LRRC7: variants seen among roughly 807,000 people sequenced by gnomAD.
The protein encoded by LRRC7 is leucine-rich repeat-containing protein 7.
In LRRC7, 23 loss-of-function variants were observed where a neutral mutation model predicts 175.7. The observed-to-expected ratio is 0.13, with a 90% CI of 0.09 to 0.19. The LOEUF (loss-of-function observed/expected upper bound fraction) is 0.19. LRRC7 is among the 10% of genes least tolerant of loss of function. The probability of loss-of-function intolerance (pLI) is 1.00; values close to 1 mark genes in which losing one functional copy is unlikely to be tolerated. For synonymous variants in LRRC7, 685 were observed against 680.9 expected, an observed-to-expected ratio of 1.01 and a Z score of -0.09; for missense variants, 1,354 against 1,904.7, an observed-to-expected ratio of 0.71 and a Z score of 5.38.
chr1:69,571,067 A>G (rs1169670715), intron 1 of LRRC7, among the ~76,000 whole-genome samples: 1 of 152,230 alleles, frequency 6.6e-6, no homozygotes, highest in African/African-American at 2.4e-5. Flanking sequence ...ATTGCATCAT[A>G]CTAATATGTA....
Position 70,132,193 on chromosome 1 carries a change from T to G in LRRC7, c.*10306T>G, listed in dbSNP as rs1666692380. 6.6e-6 allele frequency: 1 copy of G among 152,268 alleles called. No homozygotes were observed. Among genetic ancestry groups the G allele is most frequent in the South Asian group, 2.1e-4 (1 of 4,834 alleles). The allele number at this position is 152,268 out of a possible 1,614,324, so 9.4% of individuals were successfully genotyped here. A position where few individuals can be genotyped will look rare whatever the true frequency, so the allele number is the denominator to read the frequency against. ...ATTCCCTTCCTCTCTCTCTGCTCTC[T>G]CTTGGCCAGAGGAGTAATCGTTCAG... On this transcript the variant is annotated 3_prime_UTR_variant, in exon 27 of 27. Transcript: ENST00000651989.
chr1:69,573,100 C>T (rs1569579981), intron 1 of LRRC7, among the ~76,000 whole-genome samples: 1 of 152,126 alleles, frequency 6.6e-6, no homozygotes, highest in Non-Finnish European at 1.5e-5. Flanking sequence ...TAAACTCCTA[C>T]CATGAGTCAT....
At chr1:69,934,504 GCGGGGGGT>G (rs1647765299) in intron 8 of LRRC7, among the ~76,000 whole-genome samples, 3 of 61,938 alleles carry the variant, frequency 4.8e-5, no homozygotes, top group African/African-American at 9.3e-5. Flanking sequence ...CGGGGGGGGG[GCGGGGGGT>G]GGGGGGTTTT....
At chr1:69,954,962 C>G (rs1045626555) in intron 8 of LRRC7, among the ~76,000 whole-genome samples, 3 of 152,026 alleles carry the variant, frequency 2.0e-5, no homozygotes, top group Non-Finnish European at 4.4e-5. Context: ...AATTGAAGAT[C>G]ATTCTTACAT....
In LRRC7 at chr1:69,717,822, GAAAGAAAGAAAGAAAGAAAA is replaced by G. The variant is rs1665639523; in HGVS notation, c.100+39347_100+39366del. On this transcript the variant is annotated intron_variant, in intron 2 of 26. Transcript: ENST00000651989. ...AGAAAGAAAGAAAGAAAGAAAGAAA[GAAAGAAAGAAAGAAAGAAAA>G]AAGAAAGAAAGGAAAGAAAGAAAGA... 1.3e-4 allele frequency among the ~76,000 whole-genome samples: 3 copies of G among 23,114 alleles called. 1 individual carries two copies. The highest frequency in any genetic ancestry group is 1.1e-3 in the Admixed American group (2 of 1,796). 15.2% of individuals were successfully genotyped at this position (23,114 alleles called of 152,430 possible). A position where few individuals can be genotyped will look rare whatever the true frequency, so the allele number is the denominator to read the frequency against.
intron 4 of LRRC7, among the ~76,000 whole-genome samples, chr1:69,799,215 T>C (rs1292338858): frequency 3.9e-5 from 6 of 152,026 alleles, no homozygotes; most frequent in Non-Finnish European, 7.4e-5. Context: ...ATTTTTAAAT[T>C]TTATTTGTAT....
chr1:69,814,223 T>A (rs1678313940), intron 4 of LRRC7, among the ~76,000 whole-genome samples: 1 of 152,110 alleles, frequency 6.6e-6, no homozygotes, highest in Non-Finnish European at 1.5e-5. Context: ...ATCCCATATA[T>A]ATCTATTCTC....
intron 7 of LRRC7, among the ~76,000 whole-genome samples, chr1:69,927,165 G>A (rs1242073401): frequency 1.3e-5 from 2 of 152,208 alleles, no homozygotes; most frequent in African/African-American, 4.8e-5. Context: ...TAAAGTTTCT[G>A]CCAAGAGATC....
At chr1:70,043,746 T>A (rs1470230160) in intron 21 of LRRC7, among the ~76,000 whole-genome samples, 1 of 152,218 alleles carries the variant, frequency 6.6e-6, no homozygotes, top group East Asian at 1.9e-4. Flanking sequence ...TTGCTTTTTG[T>A]CTTTTCTGTA....
chr1:69,783,544 G>A (rs1275460311), intron 3 of LRRC7, among the ~76,000 whole-genome samples: 1 of 151,974 alleles, frequency 6.6e-6, no homozygotes, highest in Admixed American at 6.6e-5. Flanking sequence ...ATCACCTGAG[G>A]TCAGGAGTTC....
At chr1:69,726,778 A>G (rs1667027900) in intron 2 of LRRC7, among the ~76,000 whole-genome samples, 1 of 151,382 alleles carries the variant, frequency 6.6e-6, no homozygotes, top group Non-Finnish European at 1.5e-5. Context: ...CCACAGAAGA[A>G]AAAAAAAAGA....
intron 5 of LRRC7, among the ~76,000 whole-genome samples, chr1:69,831,319 G>A (rs1680504621): frequency 6.6e-6 from 1 of 151,936 alleles, no homozygotes; most frequent in East Asian, 1.9e-4. Flanking sequence ...CAATTGAAAT[G>A]TATTTAACAT....
At chr1:70,024,082 C>A (rs991274794) in intron 17 of LRRC7, among the ~76,000 whole-genome samples, 7 of 151,972 alleles carry the variant, frequency 4.6e-5, no homozygotes, top group Non-Finnish European at 8.8e-5. Context: ...TATCCATTGT[C>A]TTATATTTTT....
At chr1:70,023,839 C>T (rs1275093686) in intron 17 of LRRC7, among the ~76,000 whole-genome samples, 1 of 152,032 alleles carries the variant, frequency 6.6e-6, no homozygotes, top group East Asian at 1.9e-4. Flanking sequence ...GGCCTTTAAG[C>T]ACAAAGATAG....
chr1:69,900,073 T>C (rs1288583398), intron 7 of LRRC7, among the ~76,000 whole-genome samples: 1 of 152,228 alleles, frequency 6.6e-6, no homozygotes, highest in Admixed American at 6.5e-5. Flanking sequence ...TTTGTCTTTT[T>C]CCAACTATTT....
intron 3 of LRRC7, among the ~76,000 whole-genome samples, chr1:69,764,849 T>G (rs1202011667): frequency 6.6e-6 from 1 of 152,006 alleles, no homozygotes; most frequent in African/African-American, 2.4e-5. Context: ...AAATATTCAG[T>G]AACTGGTATT....
intron 7 of LRRC7, among the ~76,000 whole-genome samples, chr1:69,888,152 T>G (rs9787260): frequency 2.7e-5 from 4 of 146,754 alleles, no homozygotes; most frequent in Admixed American, 2.0e-4. Flanking sequence ...CCACCCAGTT[T>G]GAGCTTCCTG....
chr1:69,868,092 T>C (rs1171984061), intron 7 of LRRC7, among the ~76,000 whole-genome samples: 2 of 152,138 alleles, frequency 1.3e-5, no homozygotes, highest in Admixed American at 6.5e-5. Context: ...TTTCTGGTTA[T>C]AGAAGTATAA....
intron 1 of LRRC7, among the ~76,000 whole-genome samples, chr1:69,597,827 G>A (rs1401690250): frequency 6.6e-6 from 1 of 152,170 alleles, no homozygotes; most frequent in African/African-American, 2.4e-5. Flanking sequence ...CAAAGAATTA[G>A]CATCATGCAA....
Sources: allele counts gnomAD v4.1 joint callset (sites outside exome capture counted in the v4.1 genomes callset), GRCh38; gene constraint gnomAD v4.1.1; transcripts MANE v1.5; gene names NCBI Gene and HGNC (gene_info 2026-07-23, HGNC 2026-07-21).